Variants in CALN1 observed in about 807,000 individuals in gnomAD.
CALN1 encodes calcium-binding protein 8.
A neutral mutation model predicts 30.6 loss-of-function variants in CALN1; 17 were observed. The observed-to-expected ratio is 0.56, with a 90% CI of 0.38 to 0.83. CALN1 has a LOEUF of 0.83. Among genes scored for constraint, CALN1 ranks in the 40% least tolerant of loss-of-function variants. The probability of loss-of-function intolerance (pLI) is 0.00; values close to 1 mark genes in which losing one functional copy is unlikely to be tolerated. For missense variants in CALN1, 291 were observed against 354.9 expected (o/e 0.82, Z 1.45); for synonymous variants, 156 against 131.4 (o/e 1.19, Z -1.28).
intron 5 of CALN1, among the ~76,000 whole-genome samples, chr7:71,980,379 G>T (rs1029197817): frequency 1.3e-4 from 18 of 140,196 alleles, no homozygotes; most frequent in South Asian, 4.6e-4. Context: ...TAGAGACAGG[G>T]TTTTACCATG....
the CALN1 span, among the ~76,000 whole-genome samples, chr7:72,497,711 T>C: frequency 2.7e-4 from 41 of 152,002 alleles, no homozygotes; most frequent in African/African-American, 9.2e-4. Context: ...CAGAGGAAGA[T>C]AACAGAATGC....
intron 4 of CALN1, among the ~76,000 whole-genome samples, chr7:72,086,844 A>G (rs1419584127): frequency 6.6e-6 from 1 of 152,230 alleles, no homozygotes; most frequent in Non-Finnish European, 1.5e-5. Flanking sequence ...GAAGTAATCC[A>G]TGAACTGTAG....
intron 4 of CALN1, among the ~76,000 whole-genome samples, chr7:72,065,073 T>C (rs1193352479): frequency 6.7e-6 from 1 of 148,190 alleles, no homozygotes; most frequent in Non-Finnish European, 1.5e-5. Context: ...ATGTAAAATA[T>C]ATTTATATGT....
intron 1 of CALN1, among the ~76,000 whole-genome samples, chr7:72,434,036 G>T (rs1222577086): frequency 6.6e-6 from 1 of 151,468 alleles, no homozygotes; most frequent in African/African-American, 2.4e-5. Context: ...CTCCAGCCTG[G>T]GTGAAAAAGT....
At chr7:72,334,417 C>T (rs1035198757) in intron 2 of CALN1, among the ~76,000 whole-genome samples, 7 of 152,182 alleles carry the variant, frequency 4.6e-5, no homozygotes, top group East Asian at 1.9e-4. Context: ...TTTCTAAATG[C>T]GACCCCAGCC....
intron 6 of CALN1, among the ~76,000 whole-genome samples, chr7:71,790,073 C>T (rs1793231184): frequency 6.6e-6 from 1 of 150,806 alleles, no homozygotes; most frequent in Non-Finnish European, 1.5e-5. Flanking sequence ...CACTGTATTC[C>T]AGCCTGAGCC....
chr7:72,257,777 A>G (rs1796011206), intron 3 of CALN1, among the ~76,000 whole-genome samples: 1 of 152,172 alleles, frequency 6.6e-6, no homozygotes, highest in East Asian at 1.9e-4. Context: ...ACGGAATACT[A>G]CTCAGCCATA....
chr7:72,296,341 C>G (rs1184126712), intron 2 of CALN1, among the ~76,000 whole-genome samples: 2 of 138,382 alleles, frequency 1.4e-5, no homozygotes, highest in African/African-American at 5.3e-5. Flanking sequence ...GGTTGTGTCT[C>G]TGCCCGGCTT....
intron 2 of CALN1, among the ~76,000 whole-genome samples, chr7:72,371,306 T>C (rs966717415): frequency 6.6e-6 from 1 of 152,148 alleles, no homozygotes; most frequent in Non-Finnish European, 1.5e-5. Context: ...TATGATATGG[T>C]CAGGCTGTGT....
chr7:72,013,215 A>G (rs1407061914), intron 5 of CALN1, among the ~76,000 whole-genome samples: 2 of 148,376 alleles, frequency 1.3e-5, no homozygotes, highest in Non-Finnish European at 3.0e-5. Context: ...CCTGAAAACA[A>G]TTGTTGGATA....
rs764276435 is a variant in CALN1, at chr7:72,247,227, C to CTTTTTTTTTTT, written c.244+31448_244+31458dup. On this transcript the variant is annotated intron_variant, in intron 3 of 6. Coordinates refer to ENST00000395275, the MANE Select transcript of CALN1 (RefSeq NM_031468.4). Reference sequence around the variant, plus strand: ...GGGTTTTCAACAGACCATTTTCTTTCTTTTTTTTTTTTTTTTTTTTTTTTT... The same window carrying CTTTTTTTTTTT: ...GGGTTTTCAACAGACCATTTTCTTTCTTTTTTTTTTTTTTTTTTTTTTTTTTTTTTTTTTTT... Among the ~76,000 whole-genome samples the CTTTTTTTTTTT allele has an allele frequency of 2.6e-3, 199 of 77,686 alleles. 18 individuals carry two copies. Among genetic ancestry groups the CTTTTTTTTTTT allele is most frequent in the Non-Finnish European group, 3.6e-3 (154 of 42,950 alleles). The allele number at this position is 77,686 out of a possible 152,430, so 51.0% of individuals were successfully genotyped here.
At position 72,389,651 on chromosome 7, in the gene CALN1, G is replaced by A. The variant is rs145478819; in HGVS notation, c.119+13600C>T. ...CAAATACCAAGGGGCTGAGCTTGGT[G>A]GCTTGTGCCTGTAATCCCAACACTT... On this transcript the variant is annotated intron_variant, in intron 2 of 6. Transcript: ENST00000395275. Among the ~76,000 whole-genome samples the A allele has an allele frequency of 9.2e-5, 14 of 152,306 alleles. No homozygotes were observed. In the East Asian group the frequency reaches 2.7e-3, roughly 29 times the overall value.
chr7:71,869,625 T>A (rs1791803127), intron 5 of CALN1, among the ~76,000 whole-genome samples: 1 of 152,230 alleles, frequency 6.6e-6, no homozygotes, highest in African/African-American at 2.4e-5. Context: ...TCAATATTTT[T>A]AAATGTGAAT....
intron 5 of CALN1, chr7:71,942,594 G>A (rs1276664738): frequency 6.6e-6 from 1 of 152,538 alleles, no homozygotes; most frequent in Admixed American, 6.5e-5. Context: ...CGCCTTTAAA[G>A]CATTTGTGCT....
chr7:71,790,013 A>G (rs1793226878), intron 6 of CALN1, among the ~76,000 whole-genome samples: 1 of 151,976 alleles, frequency 6.6e-6, no homozygotes, highest in African/African-American at 2.4e-5. Flanking sequence ...CTGAGGCAGA[A>G]GGATCGCTTG....
intron 2 of CALN1, among the ~76,000 whole-genome samples, chr7:72,285,044 A>G (rs1428897234): frequency 1.3e-5 from 2 of 152,050 alleles, no homozygotes; most frequent in Non-Finnish European, 2.9e-5. Context: ...GTGCTACTCA[A>G]AGTGTGGTCT....
intron 3 of CALN1, among the ~76,000 whole-genome samples, chr7:72,243,531 G>A (rs1294633475): frequency 6.6e-6 from 1 of 152,060 alleles, no homozygotes; most frequent in Non-Finnish European, 1.5e-5. Flanking sequence ...ATGCAGTGTT[G>A]GGGACTAAGA....
intron 5 of CALN1, among the ~76,000 whole-genome samples, chr7:71,936,193 C>G (rs1795819616): frequency 6.6e-6 from 1 of 151,874 alleles, no homozygotes; most frequent in Non-Finnish European, 1.5e-5. Context: ...CTACATAAAT[C>G]TACTGCTTAA....
At chr7:71,818,665 CA>C (rs949465440) in intron 5 of CALN1, among the ~76,000 whole-genome samples, 16 of 148,582 alleles carry the variant, frequency 1.1e-4, no homozygotes, top group African/African-American at 3.7e-4. Flanking sequence ...CCACCATGAC[CA>C]GCTTATTTTA....
Sources: allele counts gnomAD v4.1 joint callset (sites outside exome capture counted in the v4.1 genomes callset), GRCh38; gene constraint gnomAD v4.1.1; transcripts MANE v1.5; gene names NCBI Gene and HGNC (gene_info 2026-07-23, HGNC 2026-07-21).